TBC1D32: variants seen among roughly 807,000 people sequenced by gnomAD.
TBC1D32 encodes the protein TBC1 domain family member 32, also known as protein broad-minded.
Under a neutral mutation model 170.3 loss-of-function variants are expected in TBC1D32, and 151 were observed. The observed-to-expected ratio is 0.89, with a 90% CI of 0.78 to 1.01. TBC1D32 has a LOEUF of 1.01. Among genes scored for constraint, TBC1D32 ranks in the 50% least tolerant of loss-of-function variants. TBC1D32 has a pLI of 0.00. For missense variants in TBC1D32, 1,464 were observed against 1,457.1 expected (o/e 1.00, Z -0.08); for synonymous variants, 498 against 488.0 (o/e 1.02, Z -0.27).
At chr6:121,209,888 T>G (rs1402111909) in intron 21 of TBC1D32, among the ~76,000 whole-genome samples, 1 of 152,220 alleles carries the variant, frequency 6.6e-6, no homozygotes, top group Non-Finnish European at 1.5e-5. Flanking sequence ...TTCTGAAAGT[T>G]AGTTATATAA....
intron 21 of TBC1D32, 27 bp downstream of exon 21, chr6:121,223,209 G>A (rs776300555): frequency 7.3e-7 from 1 of 1,375,842 alleles, no homozygotes; most frequent in Non-Finnish European, 9.9e-7. Context: ...ATTTATAACA[G>A]AGAAAGATTT....
At chr6:121,095,623 T>C (rs968209097) in intron 30 of TBC1D32, among the ~76,000 whole-genome samples, 2 of 152,184 alleles carry the variant, frequency 1.3e-5, no homozygotes, top group Non-Finnish European at 2.9e-5. Context: ...ACCTAGTTTA[T>C]TGCGAGTTTT....
chr6:121,112,702 T>TCTTAC, intron 28 of TBC1D32, 43 bp from the exon 29 acceptor site: 2 of 1,379,718 alleles, frequency 1.4e-6, no homozygotes, highest in Non-Finnish European at 1.9e-6. Context: ...TTTTGTAAGA[T>TCTTAC]AAAATATTAA....
chr6:121,099,120 A>G (rs1299685929), intron 30 of TBC1D32, among the ~76,000 whole-genome samples: 1 of 151,996 alleles, frequency 6.6e-6, no homozygotes, highest in Admixed American at 6.6e-5. Flanking sequence ...GCAGGTTTTT[A>G]TACTTTATAT....
intron 21 of TBC1D32, among the ~76,000 whole-genome samples, chr6:121,215,794 A>G (rs1793747603): frequency 6.6e-6 from 1 of 152,234 alleles, no homozygotes; most frequent in South Asian, 2.1e-4. Context: ...TCAAAACCAA[A>G]ATAAGATGCC....
intron 31 of TBC1D32, among the ~76,000 whole-genome samples, chr6:121,090,575 A>G (rs960724537): frequency 1.3e-5 from 2 of 152,222 alleles, no homozygotes; most frequent in Non-Finnish European, 2.9e-5. Flanking sequence ...GCCCATAGGA[A>G]TATTTTTACA....
intron 22 of TBC1D32, among the ~76,000 whole-genome samples, chr6:121,199,527 T>C (rs1343072): frequency 0.69 from 103,980 of 151,020 alleles, 41,257 homozygotes; most frequent in Non-Finnish European, 0.87. Flanking sequence ...TAAACAAGAA[T>C]TGTTTGATTA....
chr6:121,215,769 T>A (rs1003251650), intron 21 of TBC1D32, among the ~76,000 whole-genome samples: 2 of 152,080 alleles, frequency 1.3e-5, no homozygotes, highest in African/African-American at 4.8e-5. Flanking sequence ...TTACTGATCA[T>A]TAGAGACATG....
chr6:121,266,806 C>A (rs894314487), intron 15 of TBC1D32, among the ~76,000 whole-genome samples: 9 of 151,764 alleles, frequency 5.9e-5, no homozygotes, highest in African/African-American at 1.9e-4. Context: ...CAAACTAACA[C>A]GGAAACAAAA....
At chr6:121,128,235 T>G (rs571715874) in intron 25 of TBC1D32, among the ~76,000 whole-genome samples, 1 of 152,206 alleles carries the variant, frequency 6.6e-6, no homozygotes, top group Non-Finnish European at 1.5e-5. Flanking sequence ...GCAACCCTTA[T>G]GAACAGCAAC....
intron 22 of TBC1D32, among the ~76,000 whole-genome samples, chr6:121,185,901 A>G (rs1789148163): frequency 6.6e-6 from 1 of 152,096 alleles, no homozygotes; most frequent in African/African-American, 2.4e-5. Flanking sequence ...TTGAAAACTC[A>G]GTAGGATATC....
intron 22 of TBC1D32, among the ~76,000 whole-genome samples, chr6:121,187,632 C>G (rs1054329726): frequency 5.3e-5 from 8 of 151,286 alleles, no homozygotes; most frequent in Non-Finnish European, 8.8e-5. Flanking sequence ...TCCATGAAAA[C>G]AAGGGAGTAA....
intron 21 of TBC1D32, among the ~76,000 whole-genome samples, chr6:121,214,444 G>A (rs891141302): frequency 2.0e-5 from 3 of 152,206 alleles, no homozygotes; most frequent in Admixed American, 2.0e-4. Context: ...GAGTGAATGA[G>A]CATGGGGTCC....
At position 121,299,348 on chromosome 6, in the gene TBC1D32, A is replaced by C. The variant is rs567566858; in HGVS notation, c.1140+98T>G. 1.5e-5 allele frequency: 19 copies of C among 1,309,060 alleles called. No homozygotes were observed. In the East Asian group the frequency reaches 4.8e-4, roughly 33 times the overall value. The allele number at this position is 1,309,060 out of a possible 1,614,324, so 81.1% of individuals were successfully genotyped here. On this transcript the variant is annotated intron_variant, in intron 10 of 31. Transcript: ENST00000398212. ...AAGGCGAATTGCTTCATTATCCAAT[A>C]TTAATTATCACCACACAACTTTGCA... is the stretch of plus-strand genomic sequence containing the variant.
intron 22 of TBC1D32, among the ~76,000 whole-genome samples, chr6:121,187,966 T>C (rs1193159766): frequency 6.6e-6 from 1 of 152,146 alleles, no homozygotes; most frequent in Admixed American, 6.6e-5. Flanking sequence ...CCTTGACATA[T>C]ATTCTGTGAA....
chr6:121,333,087 A>G (rs1311121766), intron 1 of TBC1D32, among the ~76,000 whole-genome samples: 1 of 152,038 alleles, frequency 6.6e-6, no homozygotes, highest in African/African-American at 2.4e-5. Context: ...TGATGCACAT[A>G]TATGATATTG....
intron 22 of TBC1D32, among the ~76,000 whole-genome samples, chr6:121,161,561 G>A (rs141825372): frequency 6.6e-6 from 1 of 152,282 alleles, no homozygotes; most frequent in Non-Finnish European, 1.5e-5. Flanking sequence ...ATTACATGCT[G>A]TATATGTATC....
intron 15 of TBC1D32, among the ~76,000 whole-genome samples, chr6:121,266,259 T>G (rs1800463992): frequency 1.3e-5 from 2 of 151,680 alleles, no homozygotes; most frequent in Admixed American, 6.6e-5. Context: ...AAAGTAGACA[T>G]GAATGGACAC....
At chr6:121,217,018 C>G (rs1793913446) in intron 21 of TBC1D32, among the ~76,000 whole-genome samples, 2 of 152,212 alleles carry the variant, frequency 1.3e-5, no homozygotes, top group Non-Finnish European at 2.9e-5. Flanking sequence ...GTGCCACCAT[C>G]AAGGACTTGA....
Sources: allele counts gnomAD v4.1 joint callset (sites outside exome capture counted in the v4.1 genomes callset), GRCh38; gene constraint gnomAD v4.1.1; transcripts MANE v1.5; gene names NCBI Gene and HGNC (gene_info 2026-07-23, HGNC 2026-07-21).